Variants in WDR88 observed in about 807,000 individuals in gnomAD.
WDR88 encodes the protein WD repeat-containing protein 88.
WDR88 carries 40 observed loss-of-function variants against 46.8 expected under a neutral mutation model. The observed-to-expected ratio is 0.86, with a 90% CI of 0.66 to 1.11. WDR88 has a LOEUF of 1.11. WDR88 is among the 50% of genes most tolerant of loss of function. WDR88 has a pLI of 0.00. For missense variants in WDR88, 562 were observed against 602.4 expected (o/e 0.93, Z 0.70); for synonymous variants, 235 against 240.7 (o/e 0.98, Z 0.22).
intron 10 of WDR88, chr19:33,174,407 T>A: frequency 7.2e-7 from 1 of 1,396,716 alleles, no homozygotes; most frequent in Non-Finnish European, 9.3e-7. Flanking sequence ...TGCAGGCTCT[T>A]CTCCAGGGGA....
intron 10 of WDR88, chr19:33,174,503 C>T: frequency 1.0e-6 from 1 of 985,388 alleles, no homozygotes; most frequent in Non-Finnish European, 1.2e-6. Flanking sequence ...TAGTGGGAAG[C>T]AGACGTGATG....
chr19:33,135,645 T>G (rs922740829), intron 1 of WDR88, among the ~76,000 whole-genome samples: 36 of 152,104 alleles, frequency 2.4e-4, no homozygotes, highest in African/African-American at 8.7e-4. Context: ...CTTGAACTCC[T>G]GGCCTCAGGT....
chr19:33,141,841 C>T (rs917024485), intron 2 of WDR88, among the ~76,000 whole-genome samples: 3 of 151,922 alleles, frequency 2.0e-5, no homozygotes, highest in African/African-American at 4.8e-5. Flanking sequence ...CCACCACGCC[C>T]GGCTAATTTT....
chr19:33,165,160 C>T (rs1973933225), intron 9 of WDR88, among the ~76,000 whole-genome samples: 1 of 152,130 alleles, frequency 6.6e-6, no homozygotes, highest in Non-Finnish European at 1.5e-5. Context: ...GCTATATATA[C>T]AGATGAAGCT....
At chr19:33,142,210 G>C (rs34629831) in intron 2 of WDR88, among the ~76,000 whole-genome samples, 6 of 152,054 alleles carry the variant, frequency 3.9e-5, no homozygotes, top group Non-Finnish European at 5.9e-5. Flanking sequence ...GAGCCAGCAG[G>C]GGGGGACGAA....
In WDR88 at chr19:33,132,234, C is replaced by T. The variant is rs996390125; in HGVS notation, c.65C>T (p.Ser22Phe). The T allele has an allele frequency of 6.2e-7, 1 of 1,611,156 alleles. No homozygotes were observed. The highest frequency in any genetic ancestry group is 8.5e-7 in the Non-Finnish European group (1 of 1,179,846). ...HDRECKLPPP[S>F]APASEYCPGK... ...AGGGAATGCAAGTTGCCGCCACCCT[C>T]CGCCCCCGCCAGCGAGTATTGTCCC... The change falls in exon 1 of 11, where the codon TCC becomes TTC. Residue 22 changes from serine (S) to phenylalanine (F), a missense_variant. By Grantham distance (155) the Ser-to-Phe change is radical. Coordinates refer to ENST00000355868, the MANE Select transcript of WDR88 (RefSeq NM_173479.4).
Position 33,137,733 on chromosome 19 carries a change from T to C in WDR88, c.333T>C (p.Cys111=). 1.2e-6 allele frequency: 2 copies of C among 1,613,986 alleles called. No homozygotes were observed. Among genetic ancestry groups the C allele is most frequent in the Non-Finnish European group, 8.5e-7 (1 of 1,180,028 alleles). ...HEHAVSTCHF[C]VDDTKLLSGS... ...ACGCTGTGAGCACCTGCCACTTCTG[T>C]GTGGATGACACAAAGCTCCTCAGTG... The change falls in exon 2 of 11, where the codon TGT becomes TGC. Residue 111 remains cysteine, a synonymous_variant. Transcript: ENST00000355868.
In WDR88 at chr19:33,132,150, C is replaced by G; in HGVS notation, c.-20C>G. The G allele has an allele frequency of 6.4e-7, 1 of 1,570,592 alleles. No individual in the cohort carries two copies. Among genetic ancestry groups the G allele is most frequent in the Non-Finnish European group, 8.6e-7 (1 of 1,162,354 alleles). On this transcript the variant is annotated 5_prime_UTR_variant, in exon 1 of 11. Transcript: ENST00000355868. ...TCCCATCCAGGCTTGTCGGCGGCCA[C>G]CGGCGGACCGGGCTTCGAGATGGCC...
At chr19:33,140,002 C>T (rs1002639735) in intron 2 of WDR88, among the ~76,000 whole-genome samples, 9 of 152,112 alleles carry the variant, frequency 5.9e-5, no homozygotes, top group African/African-American at 1.4e-4. Context: ...GGGGCTGCCC[C>T]GGGGCTCAAC....
chr19:33,147,208 G>A (rs1339279549), intron 3 of WDR88, among the ~76,000 whole-genome samples: 2 of 152,034 alleles, frequency 1.3e-5, no homozygotes, highest in Non-Finnish European at 2.9e-5. Flanking sequence ...CTGGACTGCA[G>A]CGTGGATGAC....
chr19:33,169,215 G>A (rs73571955), intron 9 of WDR88, among the ~76,000 whole-genome samples: 3,361 of 152,160 alleles, frequency 0.022, 126 homozygotes, highest in African/African-American at 0.077. Context: ...AAAAGTATAG[G>A]CAATGAGAGC....
intron 7 of WDR88, 37 bp downstream of exon 7, chr19:33,156,579 G>C: frequency 1.3e-6 from 2 of 1,590,224 alleles, no homozygotes; most frequent in Non-Finnish European, 1.7e-6. Context: ...CCATTCCTGT[G>C]GGAGTGCTGG....
chr19:33,173,041 G>A (rs1439127849), intron 10 of WDR88, among the ~76,000 whole-genome samples: 1 of 129,556 alleles, frequency 7.7e-6, no homozygotes, highest in Non-Finnish European at 1.6e-5. Context: ...GCAGTGAGTT[G>A]AGATTGCGCC....
intron 6 of WDR88, among the ~76,000 whole-genome samples, chr19:33,152,585 C>T (rs545360486): frequency 3.5e-4 from 54 of 152,226 alleles, no homozygotes; most frequent in African/African-American, 1.3e-3. Flanking sequence ...TAGCCTGCAT[C>T]AGAACATCAG....
chr19:33,133,200 G>A (rs887231542), intron 1 of WDR88, among the ~76,000 whole-genome samples: 4 of 135,018 alleles, frequency 3.0e-5, no homozygotes, highest in Non-Finnish European at 4.6e-5. Context: ...AATAAATATA[G>A]AGAGAGAGAG....
intron 1 of WDR88, among the ~76,000 whole-genome samples, chr19:33,135,733 C>T (rs1007679794): frequency 2.9e-4 from 44 of 152,140 alleles, no homozygotes; most frequent in African/African-American, 1.1e-3. Context: ...GCCCGTTTTT[C>T]AAAGTGGCTG....
chr19:33,132,938 T>C (rs1255003137), intron 1 of WDR88, among the ~76,000 whole-genome samples: 1 of 152,018 alleles, frequency 6.6e-6, no homozygotes. Context: ...GGTGGGAGGA[T>C]CACTTGAGCC....
intron 5 of WDR88, among the ~76,000 whole-genome samples, chr19:33,150,329 G>A (rs886298688): frequency 6.6e-6 from 1 of 152,156 alleles, no homozygotes; most frequent in Non-Finnish European, 1.5e-5. Flanking sequence ...GCGGGCACCT[G>A]TAATCCCAGC....
chr19:33,139,941 C>T (rs1783841269), intron 2 of WDR88, among the ~76,000 whole-genome samples: 2 of 152,140 alleles, frequency 1.3e-5, no homozygotes, highest in Non-Finnish European at 2.9e-5. Flanking sequence ...GTTGCATGAC[C>T]TCCTGGGCCT....
Sources: gnomAD v4.1 joint callset for allele counts (sites outside exome capture counted in the v4.1 genomes callset) on GRCh38, gnomAD v4.1.1 for gene constraint, MANE v1.5 for transcripts, NCBI Gene and HGNC (gene_info 2026-07-23, HGNC 2026-07-21) for gene names.